The following RAPGEF4 variants were observed in gnomAD, a reference collection of about 807,000 sequenced individuals.
RAPGEF4 encodes the protein Rap guanine nucleotide exchange factor 4, also known as RAP guanine-nucleotide-exchange factor (GEF) 4.
A neutral mutation model predicts 147.9 loss-of-function variants in RAPGEF4; 66 were observed. The ratio of observed to expected loss-of-function variants is 0.45; its 90% CI spans 0.37 to 0.55. The LOEUF (loss-of-function observed/expected upper bound fraction) is 0.55, where lower values mean the gene tolerates loss of function less well. Ranked by LOEUF, RAPGEF4 falls within the 20% of genes least tolerant of loss-of-function variation. The probability of loss-of-function intolerance (pLI) is 0.00; values close to 1 mark genes in which losing one functional copy is unlikely to be tolerated. For synonymous variants in RAPGEF4, 419 were observed against 442.7 expected (o/e 0.95, Z 0.67); for missense variants, 1,071 against 1,257.3 (o/e 0.85, Z 2.24).
At chr2:172,828,266 G>C (rs759950660) in intron 4 of RAPGEF4, among the ~76,000 whole-genome samples, 4 of 152,154 alleles carry the variant, frequency 2.6e-5, no homozygotes, top group Non-Finnish European at 4.4e-5. Flanking sequence ...TCACTCCATG[G>C]GCGTCGCATT....
chr2:172,911,069 C>T (rs1310355406), intron 4 of RAPGEF4, among the ~76,000 whole-genome samples: 2 of 152,174 alleles, frequency 1.3e-5, no homozygotes, highest in Non-Finnish European at 2.9e-5. Flanking sequence ...CTCCCACATC[C>T]GAAATGCACT....
chr2:172,904,458 G>A (rs893696947), intron 4 of RAPGEF4, among the ~76,000 whole-genome samples: 1 of 152,192 alleles, frequency 6.6e-6, no homozygotes, highest in Non-Finnish European at 1.5e-5. Context: ...CCTACTGTGT[G>A]TGTCTTGCTC....
chr2:172,953,944 C>A (rs1466686298), intron 6 of RAPGEF4, among the ~76,000 whole-genome samples: 2 of 152,172 alleles, frequency 1.3e-5, no homozygotes, highest in African/African-American at 4.8e-5. Context: ...GAGAACCTTA[C>A]CCCATGAGAT....
At chr2:172,810,563 A>G (rs1687928559) in intron 3 of RAPGEF4, among the ~76,000 whole-genome samples, 1 of 152,198 alleles carries the variant, frequency 6.6e-6, no homozygotes, top group South Asian at 2.1e-4. Context: ...AGATAGCTGG[A>G]TCAGATTGGA....
At chr2:172,747,044 T>G (rs1032454617) in intron 1 of RAPGEF4, among the ~76,000 whole-genome samples, 10 of 152,228 alleles carry the variant, frequency 6.6e-5, no homozygotes, top group African/African-American at 2.4e-4. Flanking sequence ...AGATCTTTGA[T>G]GAGAAGCAGA....
chr2:172,751,917 A>G (rs1695329119), intron 1 of RAPGEF4, among the ~76,000 whole-genome samples: 1 of 151,604 alleles, frequency 6.6e-6, no homozygotes. Flanking sequence ...GGGATAGATG[A>G]AGTCCTTTTG....
intron 6 of RAPGEF4, among the ~76,000 whole-genome samples, chr2:172,954,608 T>C (rs1459209936): frequency 6.6e-6 from 1 of 152,214 alleles, no homozygotes; most frequent in East Asian, 1.9e-4. Flanking sequence ...TCTGACTTAG[T>C]CCTTATTTTA....
intron 10 of RAPGEF4, 67 bp from the exon 11 acceptor site, chr2:172,983,429 G>A (rs541158949): frequency 2.5e-4 from 394 of 1,553,680 alleles, no homozygotes; most frequent in Admixed American, 3.7e-4. Context: ...GCCTGGATCC[G>A]TTTCCATGTT....
At chr2:172,934,518 G>A (rs1686340522) in intron 6 of RAPGEF4, among the ~76,000 whole-genome samples, 2 of 152,096 alleles carry the variant, frequency 1.3e-5, no homozygotes, top group Non-Finnish European at 2.9e-5. Flanking sequence ...AGGCTCTGGA[G>A]ATACAAAGTC....
intron 9 of RAPGEF4, among the ~76,000 whole-genome samples, chr2:172,966,877 A>G (rs928906386): frequency 2.6e-5 from 4 of 152,260 alleles, no homozygotes; most frequent in Admixed American, 2.0e-4. Flanking sequence ...CAAAGCCTGT[A>G]CTTTCCAAAG....
At chr2:172,903,729 G>A (rs568310515) in intron 4 of RAPGEF4, among the ~76,000 whole-genome samples, 50 of 152,248 alleles carry the variant, frequency 3.3e-4, no homozygotes, top group African/African-American at 1.2e-3. Context: ...GGGGGTTACT[G>A]GGTAGGATCA....
intron 29 of RAPGEF4, among the ~76,000 whole-genome samples, chr2:173,047,771 G>C (rs1160083032): frequency 6.6e-6 from 1 of 151,938 alleles, no homozygotes; most frequent in African/African-American, 2.4e-5. Flanking sequence ...CCACCTCCCA[G>C]GTTCACGCCA....
rs576136327 is a variant in RAPGEF4, at chr2:172,871,707, AAATGACC to A, written c.445-46093_445-46087del. Among the ~76,000 whole-genome samples the A allele has an allele frequency of 2.1e-4, 32 of 151,966 alleles. No individual in the cohort carries two copies. The East Asian group carries it at 5.8e-3, about 28-fold the overall frequency. On this transcript the variant is annotated intron_variant, in intron 4 of 30. Transcript: ENST00000397081. ...AGATGACAGCATTATCGAAATAAGC[AAATGACC>A]AGCCAAAGGAAGTATATATTAAATT...
intron 4 of RAPGEF4, among the ~76,000 whole-genome samples, chr2:172,822,436 CT>C (rs1689172280): frequency 6.6e-6 from 1 of 152,196 alleles, no homozygotes; most frequent in African/African-American, 2.4e-5. Context: ...AGCTCTCAGA[CT>C]CAATGAAGTC....
chr2:172,846,780 G>A (rs979381154), intron 4 of RAPGEF4, among the ~76,000 whole-genome samples: 2 of 152,206 alleles, frequency 1.3e-5, no homozygotes, highest in African/African-American at 4.8e-5. Context: ...GTGGGTCACA[G>A]GAGCAGACAC....
At chr2:172,940,584 G>A (rs1687049304) in intron 6 of RAPGEF4, among the ~76,000 whole-genome samples, 1 of 152,114 alleles carries the variant, frequency 6.6e-6, no homozygotes, top group African/African-American at 2.4e-5. Context: ...ATAAGTAGAT[G>A]CCGTTATGTT....
intron 4 of RAPGEF4, among the ~76,000 whole-genome samples, chr2:172,830,310 C>T (rs1690152453): frequency 6.6e-6 from 1 of 152,160 alleles, no homozygotes; most frequent in Non-Finnish European, 1.5e-5. Flanking sequence ...AACAGAAATA[C>T]TTTGCCGAAA....
chr2:172,988,324 T>A, intron 13 of RAPGEF4, 52 bp downstream of exon 13: 1 of 1,563,866 alleles, frequency 6.4e-7, no homozygotes, highest in Non-Finnish European at 8.6e-7. Context: ...CTTACTAGTG[T>A]GGCTCTAAGT....
rs1480816199 is a variant in RAPGEF4 at position 172,925,508 on chromosome 2, A to G, written c.537+3208A>G. Among the ~76,000 whole-genome samples, 6 of 152,040 alleles carry G rather than the reference A, an allele frequency of 3.9e-5. 1 individual carries two copies. Among genetic ancestry groups the G allele is most frequent in the Non-Finnish European group, 8.8e-5 (6 of 68,018 alleles). On this transcript the variant is annotated intron_variant, in intron 6 of 30. Coordinates refer to ENST00000397081, the MANE Select transcript of RAPGEF4 (RefSeq NM_007023.4). ...ATCATTTAATGTGAGATAATACAGGATGCTGGAACCTACAAAATATCAAGA... is the reference window on the plus strand; with the variant it reads ...ATCATTTAATGTGAGATAATACAGGGTGCTGGAACCTACAAAATATCAAGA...
Sources: allele counts gnomAD v4.1 joint callset (sites outside exome capture counted in the v4.1 genomes callset), GRCh38; gene constraint gnomAD v4.1.1; transcripts MANE v1.5; gene names NCBI Gene and HGNC (gene_info 2026-07-23, HGNC 2026-07-21).